The following SYT1 variants were observed in gnomAD, a reference collection of about 807,000 sequenced individuals.
The protein encoded by SYT1 is synaptotagmin 1.
SYT1 carries 8 observed loss-of-function variants against 44.8 expected under a neutral mutation model. The ratio of observed to expected loss-of-function variants is 0.18; its 90% confidence interval spans 0.10 to 0.32. The LOEUF (loss-of-function observed/expected upper bound fraction) is 0.32, where lower values mean the gene tolerates loss of function less well. Ranked by LOEUF, SYT1 falls within the 10% of genes least tolerant of loss-of-function variation. SYT1 has a pLI of 1.00. For missense variants in SYT1, 286 were observed against 509.3 expected, an observed-to-expected ratio of 0.56 and a Z score of 4.22; for synonymous variants, 154 against 188.8, an observed-to-expected ratio of 0.82 and a Z score of 1.51.
intron 3 of SYT1, among the ~76,000 whole-genome samples, chr12:79,119,845 C>A (rs1430705027): frequency 6.6e-6 from 1 of 151,936 alleles, no homozygotes; most frequent in Non-Finnish European, 1.5e-5. Flanking sequence ...CTTTATTCTC[C>A]CCTTGAGTAA....
At chr12:79,208,648 G>T (rs1368878204) in intron 3 of SYT1, among the ~76,000 whole-genome samples, 1 of 152,090 alleles carries the variant, frequency 6.6e-6, no homozygotes, top group Admixed American at 6.5e-5. Context: ...ATATAGTAGG[G>T]GGAAAAGAGA....
At chr12:78,868,642 G>T (rs1419458140) in intron 1 of SYT1, 1 of 151,718 alleles carries the variant, frequency 6.6e-6, no homozygotes, top group Non-Finnish European at 1.5e-5. Flanking sequence ...TTTCAAAAAG[G>T]TTTAGAAACT....
intron 4 of SYT1, among the ~76,000 whole-genome samples, chr12:79,254,205 A>G (rs147015516): frequency 6.6e-6 from 1 of 152,250 alleles, no homozygotes; most frequent in Non-Finnish European, 1.5e-5. Flanking sequence ...GGACAGGCTG[A>G]CTCTTAGTAG....
chr12:78,876,862 A>ATAATACG (rs1874170985), intron 1 of SYT1, among the ~76,000 whole-genome samples: 2 of 51,138 alleles, frequency 3.9e-5, no homozygotes, highest in African/African-American at 1.9e-4. Context: ...TATATAATAT[A>ATAATACG]TATAATATAT....
At chr12:79,140,159 A>G (rs1565823587) in intron 3 of SYT1, among the ~76,000 whole-genome samples, 1 of 152,190 alleles carries the variant, frequency 6.6e-6, no homozygotes, top group East Asian at 1.9e-4. Context: ...TTGCTATGCC[A>G]CAGTCGCTTA....
At chr12:79,150,456 G>A (rs1390355565) in intron 3 of SYT1, among the ~76,000 whole-genome samples, 1 of 152,146 alleles carries the variant, frequency 6.6e-6, no homozygotes, top group Admixed American at 6.5e-5. Flanking sequence ...GGAGAAGAGG[G>A]GTAGTGGGAC....
At chr12:79,243,883 A>G (rs1454109138) in intron 4 of SYT1, among the ~76,000 whole-genome samples, 3 of 151,894 alleles carry the variant, frequency 2.0e-5, no homozygotes, top group Non-Finnish European at 4.4e-5. Context: ...GAGGGAAGGA[A>G]GGAAGGCAGG....
intron 3 of SYT1, among the ~76,000 whole-genome samples, chr12:79,051,527 C>T (rs978005100): frequency 6.6e-6 from 1 of 151,288 alleles, no homozygotes; most frequent in Non-Finnish European, 1.5e-5. Context: ...TTTTCATGTG[C>T]AGCGAATCCA....
intron 2 of SYT1, among the ~76,000 whole-genome samples, chr12:78,998,396 C>T (rs1196921467): frequency 1.3e-5 from 2 of 152,054 alleles, no homozygotes; most frequent in Non-Finnish European, 2.9e-5. Context: ...AGTCTCTTTG[C>T]CAAGGAGCAA....
At chr12:79,208,888 G>A (rs949687740) in intron 3 of SYT1, among the ~76,000 whole-genome samples, 1 of 151,812 alleles carries the variant, frequency 6.6e-6, no homozygotes, top group East Asian at 1.9e-4. Context: ...TTCCTGGAAG[G>A]CATACTCTTT....
chr12:79,341,148 T>A (rs1317154525), intron 8 of SYT1: 1 of 152,174 alleles, frequency 6.6e-6, no homozygotes, highest in African/African-American at 2.4e-5. Flanking sequence ...CTTTACTCAT[T>A]TTCTACAAAC....
intron 9 of SYT1, among the ~76,000 whole-genome samples, chr12:79,434,403 A>AACT (rs1869969664): frequency 6.6e-6 from 1 of 152,248 alleles, no homozygotes; most frequent in South Asian, 2.1e-4. Flanking sequence ...AAGACACTTA[A>AACT]ATGCTTTAAT....
At chr12:79,125,451 C>CAAAAAAAAA (rs61296536) in intron 3 of SYT1, among the ~76,000 whole-genome samples, 11,229 of 98,074 alleles carry the variant, frequency 0.11, 597 homozygotes, top group Non-Finnish European at 0.13. Flanking sequence ...ACTGTCTCTA[C>CAAAAAAAAA]AAAAAAAAAA....
chr12:79,030,354 C>A (rs1322543263), intron 2 of SYT1, among the ~76,000 whole-genome samples: 1 of 150,966 alleles, frequency 6.6e-6, no homozygotes, highest in African/African-American at 2.4e-5. Context: ...TCTCCTGCCA[C>A]ACTAACCTAC....
At chr12:79,320,276 G>A (rs1289711961) in intron 8 of SYT1, among the ~76,000 whole-genome samples, 3 of 152,126 alleles carry the variant, frequency 2.0e-5, no homozygotes, top group Non-Finnish European at 4.4e-5. Flanking sequence ...AAGAGAGAGA[G>A]AAAAATAGGG....
intron 8 of SYT1, among the ~76,000 whole-genome samples, chr12:79,304,569 C>G (rs997727022): frequency 1.3e-5 from 2 of 152,146 alleles, no homozygotes; most frequent in Non-Finnish European, 1.5e-5. Context: ...CTCTTTGTAA[C>G]CCTCTTTTTC....
intron 8 of SYT1, among the ~76,000 whole-genome samples, chr12:79,339,277 C>G (rs769988956): frequency 5.9e-5 from 9 of 152,166 alleles, no homozygotes; most frequent in East Asian, 1.9e-4. Flanking sequence ...CTAATTTACA[C>G]TCCCACCAAC....
intron 9 of SYT1, among the ~76,000 whole-genome samples, chr12:79,403,037 A>G (rs1885124731): frequency 6.6e-6 from 1 of 152,230 alleles, no homozygotes; most frequent in Non-Finnish European, 1.5e-5. Context: ...CCCATATACC[A>G]TGAATATCTA....
intron 2 of SYT1, among the ~76,000 whole-genome samples, chr12:78,994,431 T>G (rs1392086897): frequency 6.6e-6 from 1 of 152,106 alleles, no homozygotes; most frequent in African/African-American, 2.4e-5. Flanking sequence ...TCTTTCACAT[T>G]TACTTGAGAA....
Sources: allele counts gnomAD v4.1 joint callset (sites outside exome capture counted in the v4.1 genomes callset), GRCh38; gene constraint gnomAD v4.1.1; transcripts MANE v1.5; gene names NCBI Gene and HGNC (gene_info 2026-07-23, HGNC 2026-07-21).